The following KDM1A variants were observed in gnomAD, a reference collection of about 807,000 sequenced individuals.
The protein encoded by KDM1A is lysine demethylase 1A, also known as lysine-specific histone demethylase 1A.
KDM1A carries 49 observed loss-of-function variants against 109.4 expected under a neutral mutation model. The observed-to-expected ratio is 0.45, with a 90% CI of 0.36 to 0.57. The LOEUF (loss-of-function observed/expected upper bound fraction) is 0.57, where lower values mean the gene tolerates loss of function less well. Ranked by LOEUF, KDM1A falls within the 20% of genes least tolerant of loss-of-function variation. KDM1A has a pLI of 0.00. For missense variants in KDM1A, 668 were observed against 1,116.6 expected (o/e 0.60, Z 5.73); for synonymous variants, 380 against 415.4 (o/e 0.91, Z 1.04).
At position 23,031,769 on chromosome 1, in the gene KDM1A, G is replaced by A. The variant is rs139521504; in HGVS notation, c.517+1135G>A. On this transcript the variant is annotated intron_variant, in intron 2 of 20. Transcript: ENST00000400181. ...AAAGTGTACTAAAGGAATACAGTTTGAGAACATTCAGAAAAAGATTCTGGT... is the reference window on the plus strand; with the variant it reads ...AAAGTGTACTAAAGGAATACAGTTTAAGAACATTCAGAAAAAGATTCTGGT... Among the ~76,000 whole-genome samples, 482 of 152,248 alleles carry A rather than the reference G, an allele frequency of 3.2e-3. 2 individuals carry two copies. The highest frequency in any genetic ancestry group is 0.011 in the African/African-American group (465 of 41,548).
Position 23,079,469 on chromosome 1 carries a change from AT to A in KDM1A, c.2056-82del. 7.0e-6 allele frequency: 7 copies of A among 1,004,612 alleles called. No individual in the cohort carries two copies. Among genetic ancestry groups the A allele is most frequent in the Non-Finnish European group, 1.1e-5 (7 of 657,536 alleles). The allele number at this position is 1,004,612 out of a possible 1,614,324, so 62.2% of individuals were successfully genotyped here. A position where few individuals can be genotyped will look rare whatever the true frequency, so the allele number is the denominator to read the frequency against. On this transcript the variant is annotated intron_variant, in intron 17 of 20. Coordinates refer to ENST00000400181, the MANE Select transcript of KDM1A (RefSeq NM_001009999.3). This position sits in a 1 kb window ranked among gnomAD's most constrained non-coding sequence, Gnocchi z 5.6. ...ATTGCTGGGCTTATTTTGAAAGCAG[AT>A]TAGAAGAGACTTTAAGGAAGTCTGT...
chr1:23,025,598 G>T (rs1641772511), intron 1 of KDM1A, among the ~76,000 whole-genome samples: 1 of 151,964 alleles, frequency 6.6e-6, no homozygotes, highest in Non-Finnish European at 1.5e-5. Context: ...CCAAAGTGCT[G>T]GGATTACAGG....
chr1:23,063,414 AG>A (rs1643074854), intron 9 of KDM1A, among the ~76,000 whole-genome samples: 1 of 152,164 alleles, frequency 6.6e-6, no homozygotes, highest in African/African-American at 2.4e-5. Context: ...TAGGTGTATT[AG>A]GTATCTATCG....
intron 3 of KDM1A, among the ~76,000 whole-genome samples, chr1:23,048,649 C>G (rs1194349028): frequency 6.6e-6 from 1 of 152,136 alleles, no homozygotes; most frequent in Non-Finnish European, 1.5e-5. Context: ...TGCTTGACCA[C>G]TTGTTAAACA....
At chr1:23,025,275 C>T (rs1641758968) in intron 1 of KDM1A, among the ~76,000 whole-genome samples, 1 of 151,624 alleles carries the variant, frequency 6.6e-6, no homozygotes, top group Non-Finnish European at 1.5e-5. Context: ...CAGCCTTGAA[C>T]TAGATTATGA....
At chr1:23,042,440 A>ATTATTATTATTATTAT (rs1553127465) in intron 2 of KDM1A, among the ~76,000 whole-genome samples, 552 of 21,734 alleles carry the variant, frequency 0.025, 53 homozygotes, top group Non-Finnish European at 0.04. Flanking sequence ...GAAATATATT[A>ATTATTATTATTATTAT]TTTTTTTTTT....
At chr1:23,052,742 T>C (rs1642708751) in intron 4 of KDM1A, among the ~76,000 whole-genome samples, 3 of 152,168 alleles carry the variant, frequency 2.0e-5, no homozygotes, top group South Asian at 4.1e-4. Flanking sequence ...CAGTATCTGG[T>C]TTTTCTCCTG....
At chr1:23,048,398 C>T (rs977061709) in intron 3 of KDM1A, among the ~76,000 whole-genome samples, 1 of 152,068 alleles carries the variant, frequency 6.6e-6, no homozygotes, top group Admixed American at 6.5e-5. Context: ...TCATGCTCCA[C>T]CTACAATATG....
At chr1:23,026,070 G>A (rs1641790363) in intron 1 of KDM1A, among the ~76,000 whole-genome samples, 1 of 152,198 alleles carries the variant, frequency 6.6e-6, no homozygotes, top group East Asian at 1.9e-4. Flanking sequence ...CAGCCTTGGC[G>A]ACAGTGAGAC....
chr1:23,045,021 A>G (rs1472886068), intron 3 of KDM1A, among the ~76,000 whole-genome samples: 1 of 152,196 alleles, frequency 6.6e-6, no homozygotes, highest in African/African-American at 2.4e-5. Flanking sequence ...TTTGTTTCTC[A>G]TGTGAAAAAT....
At chr1:23,068,347 G>A (rs1569786208) in intron 10 of KDM1A, among the ~76,000 whole-genome samples, 192 bp from the exon 11 acceptor site, 1 of 152,094 alleles carries the variant, frequency 6.6e-6, no homozygotes, top group East Asian at 1.9e-4. Context: ...AATTGTCAGG[G>A]CCCAAACATT....
At chr1:23,041,401 C>T (rs1197303872) in intron 2 of KDM1A, among the ~76,000 whole-genome samples, 2 of 144,596 alleles carry the variant, frequency 1.4e-5, no homozygotes, top group Non-Finnish European at 3.0e-5. Context: ...TTCTACTCCT[C>T]TGCTTAAATA....
At chr1:23,069,820 A>C (rs1466605997) in intron 12 of KDM1A, among the ~76,000 whole-genome samples, 1 of 152,228 alleles carries the variant, frequency 6.6e-6, no homozygotes, top group African/African-American at 2.4e-5. Context: ...CCAGAGCCCC[A>C]GGCTCCAGCG....
At chr1:23,037,127 TATAC>T (rs1642170480) in intron 2 of KDM1A, among the ~76,000 whole-genome samples, 1 of 113,010 alleles carries the variant, frequency 8.8e-6, no homozygotes, top group Non-Finnish European at 2.0e-5. Context: ...AAAAAATATA[TATAC>T]ACACACACAC....
intron 9 of KDM1A, among the ~76,000 whole-genome samples, chr1:23,059,647 C>T (rs747681596): frequency 2.0e-5 from 3 of 152,082 alleles, no homozygotes; most frequent in Admixed American, 6.5e-5. Flanking sequence ...TATTTATTGA[C>T]CAGAGGCATA....
intron 2 of KDM1A, 88 bp downstream of exon 2, chr1:23,030,722 C>T (rs749131319): frequency 3.0e-6 from 4 of 1,348,826 alleles, no homozygotes; most frequent in South Asian, 3.0e-5. Flanking sequence ...TTATTTATGT[C>T]TTTATCTTTG....
At chr1:23,081,746 C>T in intron 19 of KDM1A, 173 bp downstream of exon 19, 2 of 732,022 alleles carry the variant, frequency 2.7e-6, no homozygotes, top group South Asian at 4.4e-5. Context: ...CAGAAAACCC[C>T]CCAGGACAAG....
At chr1:23,065,761 C>T (rs1643143800) in intron 9 of KDM1A, among the ~76,000 whole-genome samples, 1 of 151,968 alleles carries the variant, frequency 6.6e-6, no homozygotes, top group South Asian at 2.1e-4. Context: ...TGTGTTTTTC[C>T]TTTCCTCTTT....
At position 23,083,488 on chromosome 1, in the gene KDM1A, T is replaced by C; in HGVS notation, c.*124T>C. ...GGCATCTGGGCTCCTGATCAGCTGATGGAGCTCCTGATTTGACAAAGGAGC... is the reference window on the plus strand; with the variant it reads ...GGCATCTGGGCTCCTGATCAGCTGACGGAGCTCCTGATTTGACAAAGGAGC... On this transcript the variant is annotated 3_prime_UTR_variant, in exon 21 of 21. Transcript: ENST00000400181. The C allele has an allele frequency of 1.1e-6, 1 of 908,548 alleles. No individual in the cohort carries two copies. Among genetic ancestry groups the C allele is most frequent in the Non-Finnish European group, 1.6e-6 (1 of 626,856 alleles). 56.3% of individuals were successfully genotyped at this position (908,548 alleles called of 1,614,324 possible).
Sources: gnomAD v4.1 joint callset for allele counts (sites outside exome capture counted in the v4.1 genomes callset) on GRCh38, gnomAD v4.1.1 for gene constraint, Gnocchi (gnomAD v3.1) non-coding constraint, MANE v1.5 for transcripts, NCBI Gene and HGNC (gene_info 2026-07-23, HGNC 2026-07-21) for gene names.